The following VWC2L variants were observed in gnomAD, a reference collection of about 807,000 sequenced individuals.
The protein encoded by VWC2L is von Willebrand factor C domain containing 2 like.
A neutral mutation model predicts 21.6 loss-of-function variants in VWC2L; 10 were observed. That is an observed-to-expected ratio of 0.46 (90% CI 0.29 to 0.78). The LOEUF (loss-of-function observed/expected upper bound fraction) is 0.78. Ranked by LOEUF, VWC2L falls within the 30% of genes least tolerant of loss-of-function variation. VWC2L has a pLI of 0.10. For missense variants in VWC2L, 209 were observed against 277.1 expected (o/e 0.75, Z 1.74); for synonymous variants, 96 against 94.3 (o/e 1.02, Z -0.10).
At chr2:214,536,573 G>A (rs553345152) in intron 3 of VWC2L, among the ~76,000 whole-genome samples, 4 of 152,134 alleles carry the variant, frequency 2.6e-5, no homozygotes, top group African/African-American at 9.6e-5. Flanking sequence ...TTGCCCTTAT[G>A]CTTTTTGTGG....
At chr2:214,451,308 TG>T (rs59919240) in intron 3 of VWC2L, among the ~76,000 whole-genome samples, 38,024 of 111,964 alleles carry the variant, frequency 0.34, 6,327 homozygotes, top group African/African-American at 0.52. Context: ...TGGGTCGGTG[TG>T]GGGGGGGGGG....
At chr2:214,443,718 T>C (rs1702796344) in intron 3 of VWC2L, among the ~76,000 whole-genome samples, 1 of 152,200 alleles carries the variant, frequency 6.6e-6, no homozygotes, top group Non-Finnish European at 1.5e-5. Context: ...AGGCCGGAGT[T>C]ATGTTTGGTA....
At position 214,445,324 on chromosome 2, in the gene VWC2L, G is replaced by A. The variant is rs544328362; in HGVS notation, c.520+8566G>A. Among the ~76,000 whole-genome samples, 4 of 151,656 alleles carry A rather than the reference G, an allele frequency of 2.6e-5. No homozygotes were observed. In the South Asian group the frequency reaches 8.3e-4, roughly 32 times the overall value. ...AGTTGTTTGATAATAGCAACAATTT[G>A]GAAAAACTGAAACCTAAATATTTAA... On this transcript the variant is annotated intron_variant, in intron 3 of 3. Coordinates refer to ENST00000312504, the MANE Select transcript of VWC2L (RefSeq NM_001080500.4).
intron 3 of VWC2L, among the ~76,000 whole-genome samples, chr2:214,538,093 G>T (rs992684809): frequency 6.6e-6 from 1 of 152,036 alleles, no homozygotes; most frequent in Non-Finnish European, 1.5e-5. Flanking sequence ...CTTGGAAATT[G>T]TGAGGAGTCA....
At chr2:214,549,362 AT>A (rs572707325) in intron 3 of VWC2L, among the ~76,000 whole-genome samples, 2 of 152,234 alleles carry the variant, frequency 1.3e-5, no homozygotes, top group Non-Finnish European at 2.9e-5. Context: ...GGGGACACAA[AT>A]ATAGCAACTT....
At chr2:214,550,841 T>C (rs1051374146) in intron 3 of VWC2L, among the ~76,000 whole-genome samples, 6 of 152,244 alleles carry the variant, frequency 3.9e-5, no homozygotes, top group African/African-American at 1.4e-4. Flanking sequence ...CATGTCACTT[T>C]CCTACCTCAA....
chr2:214,451,818 A>C (rs935247745), intron 3 of VWC2L, among the ~76,000 whole-genome samples: 2 of 152,208 alleles, frequency 1.3e-5, no homozygotes, highest in Non-Finnish European at 2.9e-5. Context: ...GGCAACTATT[A>C]ATAAAATTTT....
intron 3 of VWC2L, among the ~76,000 whole-genome samples, chr2:214,458,148 T>C (rs991790428): frequency 2.6e-5 from 4 of 152,086 alleles, no homozygotes; most frequent in African/African-American, 9.6e-5. Context: ...CTATTCAGGT[T>C]TTCTATTTCT....
chr2:214,562,203 C>G (rs1689986423), intron 3 of VWC2L, among the ~76,000 whole-genome samples: 1 of 151,990 alleles, frequency 6.6e-6, no homozygotes, highest in African/African-American at 2.4e-5. Flanking sequence ...TCCATGTGTT[C>G]TCATTGTTCA....
chr2:214,467,513 C>A (rs1304300663), intron 3 of VWC2L, among the ~76,000 whole-genome samples: 1 of 152,196 alleles, frequency 6.6e-6, no homozygotes. Flanking sequence ...AGTTACCCAT[C>A]TCTCAGGAGT....
At chr2:214,503,998 T>C (rs1449087768) in intron 3 of VWC2L, among the ~76,000 whole-genome samples, 1 of 152,154 alleles carries the variant, frequency 6.6e-6, no homozygotes, top group Middle Eastern at 3.2e-3. Flanking sequence ...CACTTATATT[T>C]AGACACTGGC....
intron 3 of VWC2L, among the ~76,000 whole-genome samples, chr2:214,573,491 C>G (rs756606803): frequency 1.3e-5 from 2 of 152,132 alleles, no homozygotes; most frequent in African/African-American, 4.8e-5. Context: ...CTGCCTCCTC[C>G]GGTTTGACTC....
chr2:214,577,087 CTCGAT>C lies in VWC2L; in HGVS notation c.*1270_*1274del, dbSNP rs1434014032. 1 of 152,112 alleles carries C rather than the reference CTCGAT, an allele frequency of 6.6e-6. No individual in the cohort carries two copies. The highest frequency in any genetic ancestry group is 2.4e-5 in the African/African-American group (1 of 41,414). 9.4% of individuals were successfully genotyped at this position (152,112 alleles called of 1,614,324 possible). A position where few individuals can be genotyped will look rare whatever the true frequency, so the allele number is the denominator to read the frequency against. On this transcript the variant is annotated 3_prime_UTR_variant, in exon 4 of 4. Coordinates refer to ENST00000312504, the MANE Select transcript of VWC2L (RefSeq NM_001080500.4). ...AAACACACAGGGTATCTGATGCCACCTCGATTCAAGTGCAAAATTAACAATTCTGA... is the reference window on the plus strand; with the variant it reads ...AAACACACAGGGTATCTGATGCCACCTCAAGTGCAAAATTAACAATTCTGA...
chr2:214,562,372 T>C (rs1689989945), intron 3 of VWC2L, among the ~76,000 whole-genome samples: 1 of 152,250 alleles, frequency 6.6e-6, no homozygotes, highest in Non-Finnish European at 1.5e-5. Context: ...ATGTACCATA[T>C]TTTCTTTATC....
chr2:214,475,742 G>A (rs1212800937), intron 3 of VWC2L, among the ~76,000 whole-genome samples: 1 of 140,148 alleles, frequency 7.1e-6, no homozygotes, highest in Non-Finnish European at 1.5e-5. Flanking sequence ...TTAAATGTTG[G>A]CTCAAAAAAA....
chr2:214,575,905 C>G lies in VWC2L; in HGVS notation c.*85C>G. The G allele has an allele frequency of 2.1e-6, 3 of 1,447,926 alleles. No individual in the cohort carries two copies. The highest frequency in any genetic ancestry group is 3.7e-4 in the Middle Eastern group (2 of 5,402). 89.7% of individuals were successfully genotyped at this position (1,447,926 alleles called of 1,614,324 possible). On this transcript the variant is annotated 3_prime_UTR_variant, in exon 4 of 4. Coordinates refer to ENST00000312504, the MANE Select transcript of VWC2L (RefSeq NM_001080500.4). ...CATGTTTAACACAAAACAAAACAAA[C>G]AAACTCCTGCCAGCTACAACAGGGT...
At chr2:214,423,382 A>G (rs1702471956) in intron 2 of VWC2L, among the ~76,000 whole-genome samples, 1 of 152,162 alleles carries the variant, frequency 6.6e-6, no homozygotes, top group South Asian at 2.1e-4. Context: ...ACACACTTCC[A>G]TTGTGCCAAA....
chr2:214,497,241 C>A (rs980310717), intron 3 of VWC2L, among the ~76,000 whole-genome samples: 2 of 152,092 alleles, frequency 1.3e-5, no homozygotes, highest in Non-Finnish European at 2.9e-5. Flanking sequence ...TAAGCTCTTA[C>A]CCTTCTACAT....
At chr2:214,567,547 TACACACAC>T (rs71409879) in intron 3 of VWC2L, among the ~76,000 whole-genome samples, 58,609 of 119,872 alleles carry the variant, frequency 0.49, 15,951 homozygotes, top group East Asian at 0.71. Context: ...TTCATCCACA[TACACACAC>T]ACACACACAC....
Sources: gnomAD v4.1 joint callset for allele counts (sites outside exome capture counted in the v4.1 genomes callset) on GRCh38, gnomAD v4.1.1 for gene constraint, MANE v1.5 for transcripts, NCBI Gene and HGNC (gene_info 2026-07-23, HGNC 2026-07-21) for gene names.